The following PRKAR1A variants were observed in gnomAD, a reference collection of about 807,000 sequenced individuals.
The protein encoded by PRKAR1A is protein kinase cAMP-dependent type I regulatory subunit alpha, also known as cAMP-dependent protein kinase type I-alpha regulatory subunit.
PRKAR1A carries 3 observed loss-of-function variants against 52.0 expected under a neutral mutation model. The observed-to-expected ratio is 0.06, with a 90% CI of 0.03 to 0.15. PRKAR1A has a LOEUF of 0.15. Ranked by LOEUF, PRKAR1A falls within the 10% of genes least tolerant of loss-of-function variation. The probability of loss-of-function intolerance (pLI) is 1.00; values close to 1 mark genes in which losing one functional copy is unlikely to be tolerated. For synonymous variants in PRKAR1A, 188 were observed against 168.4 expected (o/e 1.12, Z -0.90); for missense variants, 240 against 477.4 (o/e 0.50, Z 4.63).
the PRKAR1A span, among the ~76,000 whole-genome samples, chr17:68,449,888 G>C: frequency 2.6e-5 from 4 of 152,214 alleles, no homozygotes; most frequent in Admixed American, 6.5e-5. Context: ...GTGCCCACCT[G>C]TAGTCCCAGC....
At chr17:68,439,634 T>C in the PRKAR1A span, among the ~76,000 whole-genome samples, 7 of 152,206 alleles carry the variant, frequency 4.6e-5, no homozygotes, top group Non-Finnish European at 1.0e-4. Flanking sequence ...GTGAATTTTA[T>C]CTCAAAAAAG....
At chr17:68,432,542 G>A in the PRKAR1A span, among the ~76,000 whole-genome samples, 1 of 152,256 alleles carries the variant, frequency 6.6e-6, no homozygotes, top group African/African-American at 2.4e-5. Flanking sequence ...AGGTCCGCAT[G>A]TGTCAGCATT....
chr17:68,490,843 T>C, the PRKAR1A span, among the ~76,000 whole-genome samples: 1 of 152,140 alleles, frequency 6.6e-6, no homozygotes, highest in Non-Finnish European at 1.5e-5. Context: ...ATTACCCGCT[T>C]GAGAACAGAG....
chr17:68,421,543 G>A, the PRKAR1A span: 32 of 556,568 alleles, frequency 5.7e-5, no homozygotes, highest in Admixed American at 3.0e-4. Flanking sequence ...TAGTTTGAAC[G>A]TATTTTAAAT....
chr17:68,421,871 A>G, the PRKAR1A span: 1 of 1,611,768 alleles, frequency 6.2e-7, no homozygotes, highest in South Asian at 1.1e-5. Flanking sequence ...AGAGGCTGGT[A>G]GGCAGGTGCA....
At chr17:68,462,331 G>A in the PRKAR1A span, among the ~76,000 whole-genome samples, 2 of 152,204 alleles carry the variant, frequency 1.3e-5, no homozygotes, top group Admixed American at 6.5e-5. Flanking sequence ...TTGGAGCTGA[G>A]AGTCTGTTAC....
At chr17:68,452,720 C>T in the PRKAR1A span, among the ~76,000 whole-genome samples, 1 of 152,072 alleles carries the variant, frequency 6.6e-6, no homozygotes, top group Non-Finnish European at 1.5e-5. Flanking sequence ...AAACTGTTGC[C>T]AGATCTAAGT....
At chr17:68,549,159 G>A (rs535393805) in intron 11 of PRKAR1A, among the ~76,000 whole-genome samples, 2 of 152,342 alleles carry the variant, frequency 1.3e-5, no homozygotes, top group East Asian at 3.9e-4. Context: ...AGAACTGAGA[G>A]TGGAGCTCAT....
intron 11 of PRKAR1A, among the ~76,000 whole-genome samples, chr17:68,545,425 G>C (rs556405200): frequency 6.6e-6 from 1 of 152,178 alleles, no homozygotes; most frequent in Non-Finnish European, 1.5e-5. Context: ...TAAAAGTTAC[G>C]TTTCATTATA....
downstream of PRKAR1A, among the ~76,000 whole-genome samples, chr17:68,534,946 G>A (rs538897351): frequency 6.6e-5 from 10 of 152,310 alleles, no homozygotes; most frequent in South Asian, 1.7e-3. Context: ...TGACTTTATG[G>A]AACATAAAAC....
intron 1 of PRKAR1A, among the ~76,000 whole-genome samples, chr17:68,514,064 T>G (rs992046108): frequency 2.6e-5 from 4 of 152,186 alleles, no homozygotes; most frequent in Non-Finnish European, 5.9e-5. Flanking sequence ...AAATGCGCGT[T>G]TTTGTTTTTG....
At chr17:68,499,588 T>C in the PRKAR1A span, among the ~76,000 whole-genome samples, 1 of 152,234 alleles carries the variant, frequency 6.6e-6, no homozygotes, top group East Asian at 1.9e-4. Flanking sequence ...TAATGACCAT[T>C]ATTAAGACCA....
At chr17:68,434,152 T>C in the PRKAR1A span, among the ~76,000 whole-genome samples, 1 of 152,170 alleles carries the variant, frequency 6.6e-6, no homozygotes, top group Non-Finnish European at 1.5e-5. Context: ...TCCTGGCATC[T>C]TGGAATCTTC....
At position 68,530,982 on chromosome 17, in the gene PRKAR1A, A is replaced by T. The variant is rs1373183328; in HGVS notation, c.*533A>T. The stretch of plus-strand genomic sequence containing the variant: ...AATTAAACTAGTTTAAGGGTGGAAA[A>T]ATGCCCATTTTTGCTAATTATCAAT... On this transcript the variant is annotated 3_prime_UTR_variant, in exon 11 of 11. Transcript: ENST00000589228. 9.3e-7 allele frequency: 1 copy of T among 1,076,490 alleles called. No individual in the cohort carries two copies. Among genetic ancestry groups the T allele is most frequent in the African/African-American group, 1.6e-5 (1 of 61,236 alleles). The allele number at this position is 1,076,490 out of a possible 1,614,324, so 66.7% of individuals were successfully genotyped here.
chr17:68,432,729 G>A, the PRKAR1A span, among the ~76,000 whole-genome samples: 10 of 152,166 alleles, frequency 6.6e-5, no homozygotes, highest in African/African-American at 2.4e-4. Flanking sequence ...AGATACAGTA[G>A]GCTTTCTGTC....
chr17:68,531,025 G>GTT lies in PRKAR1A; in HGVS notation c.*586_*587dup, dbSNP rs398041821. 13,190 of 983,284 alleles carry GTT rather than the reference G, an allele frequency of 0.013. No homozygotes were observed. Among genetic ancestry groups the GTT allele is most frequent in the Middle Eastern group, 0.024 (54 of 2,208 alleles). The allele number at this position is 983,284 out of a possible 1,614,324, so 60.9% of individuals were successfully genotyped here. A position where few individuals can be genotyped will look rare whatever the true frequency, so the allele number is the denominator to read the frequency against. On this transcript the variant is annotated 3_prime_UTR_variant, in exon 11 of 11. Transcript: ENST00000589228. ...TTATCAATGGGATATGATTGGTTCAGTTTTTTTTTTTCCAGAGTTGTTGTT... is the reference window on the plus strand; with the variant it reads ...TTATCAATGGGATATGATTGGTTCAGTTTTTTTTTTTTTCCAGAGTTGTTGTT...
At chr17:68,437,911 C>G in the PRKAR1A span, among the ~76,000 whole-genome samples, 1,159 of 123,594 alleles carry the variant, frequency 9.4e-3, 22 homozygotes, top group African/African-American at 0.034. Flanking sequence ...AAAGTGTTAC[C>G]AGAAACTTTG....
chr17:68,503,995 G>T, the PRKAR1A span, among the ~76,000 whole-genome samples: 1 of 152,160 alleles, frequency 6.6e-6, no homozygotes, highest in African/African-American at 2.4e-5. Context: ...TCCTCAGAAA[G>T]CTAATAATAA....
chr17:68,430,295 C>T, the PRKAR1A span: 2 of 819,158 alleles, frequency 2.4e-6, no homozygotes, highest in Admixed American at 2.9e-5. Flanking sequence ...ATGTTCTGCC[C>T]ACTGAGAACA....
Sources: gnomAD v4.1 joint callset for allele counts (sites outside exome capture counted in the v4.1 genomes callset) on GRCh38, gnomAD v4.1.1 for gene constraint, MANE v1.5 for transcripts, NCBI Gene and HGNC (gene_info 2026-07-23, HGNC 2026-07-21) for gene names.